SEC14L4: variants seen among roughly 807,000 people sequenced by gnomAD.
SEC14L4 encodes the protein SEC14-like protein 4.
SEC14L4 carries 42 observed loss-of-function variants against 55.1 expected under a neutral mutation model. That is an observed-to-expected ratio of 0.76 (90% CI 0.60 to 0.99). SEC14L4 has a LOEUF of 0.99. SEC14L4 is among the 50% of genes least tolerant of loss of function. The probability of loss-of-function intolerance (pLI) is 0.00; values close to 1 mark genes in which losing one functional copy is unlikely to be tolerated. For synonymous variants in SEC14L4, 206 were observed against 206.8 expected, an observed-to-expected ratio of 1.00 and a Z score of 0.03; for missense variants, 445 against 512.1, an observed-to-expected ratio of 0.87 and a Z score of 1.27.
chr22:30,497,487 T>C (rs1414359111), intron 2 of SEC14L4, among the ~76,000 whole-genome samples: 3 of 150,470 alleles, frequency 2.0e-5, no homozygotes, highest in African/African-American at 7.4e-5. Flanking sequence ...ATCGCACTAC[T>C]GCACTCCAGC....
chr22:30,495,782 GAC>G, intron 3 of SEC14L4, 140 bp from the exon 4 acceptor site: 1 of 1,598,954 alleles, frequency 6.3e-7, no homozygotes, highest in Non-Finnish European at 8.5e-7. Context: ...GGGCTGGGGG[GAC>G]TTGGGTCTGA....
chr22:30,497,375 C>T (rs1601850710), intron 2 of SEC14L4, among the ~76,000 whole-genome samples: 1 of 151,402 alleles, frequency 6.6e-6, no homozygotes, highest in South Asian at 2.1e-4. Flanking sequence ...AAACACAAAA[C>T]TTAGCTAGGC....
rs1936464371 is a variant in SEC14L4 at position 30,505,604 on chromosome 22, C to T, written c.8G>A (p.Ser3Asn). The T allele has an allele frequency of 6.4e-7, 1 of 1,564,114 alleles. No individual in the cohort carries two copies. Residue 3 changes from serine (S) to asparagine (N), a missense_variant, in exon 1 of 12, where the codon AGC (serine) becomes AAC (asparagine). Transcript: ENST00000255858. ...CTGGGGGCTCAGGTCCCCGACTCGG[C>T]TGCTCATGGTGCCCGCGGGCGCAGA... is the stretch of plus-strand genomic sequence containing the variant. MS[S>N]RVGDLSPQQQ...
At chr22:30,490,476 C>T (rs1044055821) in intron 11 of SEC14L4, among the ~76,000 whole-genome samples, 2 of 152,176 alleles carry the variant, frequency 1.3e-5, no homozygotes, top group South Asian at 2.1e-4. Context: ...TGGTGGCTTG[C>T]GCTACATGAA....
chr22:30,490,182 CT>C lies in SEC14L4; in HGVS notation c.1145del (p.Glu382GlyfsTer19). On this transcript the variant is annotated frameshift_variant, in exon 12 of 12. Transcript: ENST00000255858. LOFTEE classifies it low-confidence loss of function (END_TRUNC). ...CAGAGGCCTTGTCGGGAAGCAGCAC[CT>C]CCACAGTGTAGCTGAGCTTCTTGGC... ...MHAKKLSYTV[E>X]VLLPDKASEE... is the part of the protein sequence containing the mutation. 1 of 1,614,178 alleles carries C rather than the reference CT, an allele frequency of 6.2e-7. No homozygotes were observed.
At chr22:30,499,995 A>G (rs5749113) in intron 2 of SEC14L4, among the ~76,000 whole-genome samples, 72,267 of 151,258 alleles carry the variant, frequency 0.48, 18,818 homozygotes, top group African/African-American at 0.69. Flanking sequence ...TCAGCCTCCC[A>G]AGTAGCCAGG....
In SEC14L4 at chr22:30,489,566, G is replaced by A; in HGVS notation, c.*541C>T. On this transcript the variant is annotated 3_prime_UTR_variant, in exon 12 of 12. Transcript: ENST00000255858. ...ATTTCCAATTTTCCATCCAGTGGTGGCAGAACAAACTTGGATGGGCCCCAG... is the reference window on the plus strand; with the variant it reads ...ATTTCCAATTTTCCATCCAGTGGTGACAGAACAAACTTGGATGGGCCCCAG... 1.9e-6 allele frequency: 1 copy of A among 523,496 alleles called. No individual in the cohort carries two copies. The highest frequency in any genetic ancestry group is 3.4e-6 in the Non-Finnish European group (1 of 293,890). 32.4% of individuals were successfully genotyped at this position (523,496 alleles called of 1,614,324 possible). A position where few individuals can be genotyped will look rare whatever the true frequency, so the allele number is the denominator to read the frequency against.
At chr22:30,495,782 G>T (rs974494063) in intron 3 of SEC14L4, 140 bp from the exon 4 acceptor site, 2 of 1,598,954 alleles carry the variant, frequency 1.3e-6, no homozygotes, top group Non-Finnish European at 1.7e-6. Flanking sequence ...GGGCTGGGGG[G>T]ACTTGGGTCT....
At chr22:30,492,330 G>T in intron 8 of SEC14L4, 144 bp downstream of exon 8, 1 of 1,134,706 alleles carries the variant, frequency 8.8e-7, no homozygotes, top group Non-Finnish European at 1.3e-6. Flanking sequence ...AGGACCCAAG[G>T]CATTGCCCGT....
At position 30,495,945 on chromosome 22, in the gene SEC14L4, C is replaced by T. The variant is rs771922845; in HGVS notation, c.157G>A (p.Glu53Lys). ...ATCCTTACCCTTCGGAGCATGTCTT[C>T]GGATTTCTGCAGGTCAAAGTTTCGA... is the stretch of plus-strand genomic sequence containing the variant. ...RARNFDLQKS[E>K]DMLRRHMEFR... Residue 53 changes from glutamate (E) to lysine (K), a missense_variant, in exon 3 of 12, where the codon GAA (glutamate) becomes AAA (lysine). Transcript: ENST00000255858. 6.2e-6 allele frequency: 10 copies of T among 1,613,992 alleles called. No individual in the cohort carries two copies. The highest frequency in any genetic ancestry group is 1.1e-5 in the South Asian group (1 of 91,048).
intron 2 of SEC14L4, among the ~76,000 whole-genome samples, chr22:30,500,492 G>A (rs1366205551): frequency 6.6e-6 from 1 of 151,764 alleles, no homozygotes; most frequent in African/African-American, 2.4e-5. Context: ...TCAGCCTCCC[G>A]AATAGCTGGA....
At chr22:30,493,083 CAAAAAA>C (rs10593638) in intron 7 of SEC14L4, among the ~76,000 whole-genome samples, 7 of 80,450 alleles carry the variant, frequency 8.7e-5, no homozygotes, top group African/African-American at 2.1e-4. Context: ...GATTCCATCT[CAAAAAA>C]AAAAAAAAAA....
chr22:30,504,444 G>A (rs865949154), intron 1 of SEC14L4, among the ~76,000 whole-genome samples: 24 of 152,194 alleles, frequency 1.6e-4, no homozygotes, highest in Admixed American at 3.3e-4. Flanking sequence ...ACTGCATCTT[G>A]AGGGTTTAGA....
intron 11 of SEC14L4, 148 bp from the exon 12 acceptor site, chr22:30,490,394 T>A: frequency 3.8e-6 from 5 of 1,324,516 alleles, no homozygotes; most frequent in South Asian, 1.4e-5. Flanking sequence ...AAATGAGCTG[T>A]CCAGGACAGT....
rs759666298 is a variant in SEC14L4, at chr22:30,491,989, G to A, written c.772-16C>T. The A allele has an allele frequency of 6.2e-7, 1 of 1,613,792 alleles. No individual in the cohort carries two copies. Among genetic ancestry groups the A allele is most frequent in the African/African-American group, 1.3e-5 (1 of 74,910 alleles). On this transcript the variant is annotated splice_polypyrimidine_tract_variant and intron_variant, in intron 9 of 11. Coordinates refer to ENST00000255858, the MANE Select transcript of SEC14L4 (RefSeq NM_174977.4). The stretch of plus-strand genomic sequence containing the variant: ...CATAGTTGATCTGTGGGTGAAGGGG[G>A]TGTGTGGGCACTAGATCACAGCTTC...
chr22:30,491,791 C>T lies in SEC14L4; in HGVS notation c.911+43G>A, dbSNP rs2146164171. 3 of 1,612,016 alleles carry T rather than the reference C, an allele frequency of 1.9e-6. No individual in the cohort carries two copies. In the East Asian group the frequency reaches 6.7e-5, roughly 36 times the overall value. ...GCGACCCCCTGCCTGGGCTCCAGGC[C>T]CCTCCCAGATGTGCCCAGGTGTAGA... On this transcript the variant is annotated intron_variant, in intron 10 of 11. Transcript: ENST00000255858.
chr22:30,491,048 C>T (rs1935935520), intron 11 of SEC14L4, among the ~76,000 whole-genome samples: 1 of 152,214 alleles, frequency 6.6e-6, no homozygotes, highest in African/African-American at 2.4e-5. Flanking sequence ...AAGCCACACC[C>T]TTCTCCTCCA....
chr22:30,494,091 A>C, intron 7 of SEC14L4, 59 bp downstream of exon 7: 2 of 1,275,720 alleles, frequency 1.6e-6, no homozygotes, highest in Non-Finnish European at 2.3e-6. Flanking sequence ...TGGCTTACCT[A>C]CTGTACCCCC....
rs547024082 is a variant in SEC14L4, at chr22:30,503,765, G to A, written c.55-13C>T. On this transcript the variant is annotated splice_polypyrimidine_tract_variant and intron_variant, in intron 1 of 11. Coordinates refer to ENST00000255858, the MANE Select transcript of SEC14L4 (RefSeq NM_174977.4). ...GGTTCTCCCGGAACTGAGCGGAGGA[G>A]GATCTGATGGTCGGCGGAGCTCTCA... The A allele has an allele frequency of 3.1e-6, 5 of 1,609,484 alleles. No homozygotes were observed. The African/African-American group carries it at 5.3e-5, about 17-fold the overall frequency.
Sources: gnomAD v4.1 joint callset for allele counts (sites outside exome capture counted in the v4.1 genomes callset) on GRCh38, gnomAD v4.1.1 for gene constraint, MANE v1.5 for transcripts, NCBI Gene and HGNC (gene_info 2026-07-23, HGNC 2026-07-21) for gene names.